The following PXK variants were observed in gnomAD, a reference collection of about 807,000 sequenced individuals.
The protein encoded by PXK is PX domain-containing protein kinase-like protein.
Under a neutral mutation model 84.7 loss-of-function variants are expected in PXK, and 35 were observed. That is an observed-to-expected ratio of 0.41 (90% CI 0.32 to 0.55). The LOEUF (loss-of-function observed/expected upper bound fraction) is 0.55, where lower values mean the gene tolerates loss of function less well. Among genes scored for constraint, PXK ranks in the 20% least tolerant of loss-of-function variants. PXK has a pLI of 0.21. For synonymous variants in PXK, 253 were observed against 260.8 expected (o/e 0.97, Z 0.29); for missense variants, 634 against 699.7 (o/e 0.91, Z 1.06).
In PXK at chr3:58,397,540, C is replaced by A; in HGVS notation, c.985-65C>A. On this transcript the variant is annotated intron_variant, in intron 10 of 17. Transcript: ENST00000356151. This position sits in a 1 kb window ranked among gnomAD's most constrained non-coding sequence, Gnocchi z 4.7. Reference sequence around the variant, plus strand: ...TTTGTTTCTCAGAGAAGCCTTGGGGCAGGAGCGCGAGGGTCCACAAAGCCA... The same window carrying A: ...TTTGTTTCTCAGAGAAGCCTTGGGGAAGGAGCGCGAGGGTCCACAAAGCCA... 1 of 1,329,492 alleles carries A rather than the reference C, an allele frequency of 7.5e-7. No homozygotes were observed. The allele number at this position is 1,329,492 out of a possible 1,614,324, so 82.4% of individuals were successfully genotyped here.
In PXK at chr3:58,383,600, G is replaced by A. The variant is rs1249369746; in HGVS notation, c.388+900G>A. On this transcript the variant is annotated intron_variant, in intron 4 of 17. Transcript: ENST00000356151. The surrounding 1 kb of genome is among the most constrained non-coding windows in gnomAD (Gnocchi z 4.0). ...TCAGGGCAGCCGCCAAGGTACTGTG[G>A]TTGAAAGGGCTTCTCTTCCAGTACC... is the stretch of plus-strand genomic sequence containing the variant. Among the ~76,000 whole-genome samples, 2 of 152,160 alleles carry A rather than the reference G, an allele frequency of 1.3e-5. No individual in the cohort carries two copies. Among genetic ancestry groups the A allele is most frequent in the Non-Finnish European group, 2.9e-5 (2 of 68,038 alleles).
At chr3:58,336,868 G>A (rs1559833647) in intron 1 of PXK, among the ~76,000 whole-genome samples, 1 of 152,102 alleles carries the variant, frequency 6.6e-6, no homozygotes, top group Admixed American at 6.6e-5. Context: ...TAGAGTGCAG[G>A]TCGCAATCTC....
chr3:58,381,945 AG>A (rs2098507331), intron 3 of PXK, among the ~76,000 whole-genome samples: 1 of 151,008 alleles, frequency 6.6e-6, no homozygotes, highest in African/African-American at 2.4e-5. Context: ...AATTTAAGAA[AG>A]TGAGTTACTC....
intron 1 of PXK, among the ~76,000 whole-genome samples, chr3:58,352,269 T>C (rs1288065263): frequency 2.6e-5 from 4 of 152,154 alleles, no homozygotes; most frequent in African/African-American, 7.2e-5. Flanking sequence ...AGAGGAGACA[T>C]GGCCCAGGAG....
chr3:58,347,120 T>A (rs1001331154), intron 1 of PXK, among the ~76,000 whole-genome samples: 4 of 152,106 alleles, frequency 2.6e-5, no homozygotes, highest in Non-Finnish European at 5.9e-5. Context: ...GGATTACAGT[T>A]GTGAGCTACC....
Position 58,336,059 on chromosome 3 carries a change from ATATATATATATAT to A in PXK, c.102+2971_102+2983del, listed in dbSNP as rs1440488887. On this transcript the variant is annotated intron_variant, in intron 1 of 17. Coordinates refer to ENST00000356151, the MANE Select transcript of PXK (RefSeq NM_017771.5). ...GAAACATATATATATATATATATAT[ATATATATATATAT>A]TTTTTTTTTTTTTTTTTAATACCAA... is the stretch of plus-strand genomic sequence containing the variant. Among the ~76,000 whole-genome samples, 334 of 58,354 alleles carry A rather than the reference ATATATATATATAT, an allele frequency of 5.7e-3. 1 individual carries two copies. The highest frequency in any genetic ancestry group is 0.029 in the African/African-American group (321 of 10,978). 38.3% of individuals were successfully genotyped at this position (58,354 alleles called of 152,430 possible).
Position 58,401,826 on chromosome 3 carries a change from C to T in PXK, c.1182-2036C>T, listed in dbSNP as rs1203487157. ...TCTGTAGTCCCAGCTACCCAGGAGG[C>T]GGAGTTTGCACTGGAGCGCGCCACT... On this transcript the variant is annotated intron_variant, in intron 12 of 17. Coordinates refer to ENST00000356151, the MANE Select transcript of PXK (RefSeq NM_017771.5). This position sits in a 1 kb window ranked among gnomAD's most constrained non-coding sequence, Gnocchi z 4.4. Among the ~76,000 whole-genome samples the T allele has an allele frequency of 6.6e-6, 1 of 151,420 alleles. No homozygotes were observed. The highest frequency in any genetic ancestry group is 1.5e-5 in the Non-Finnish European group (1 of 67,882).
chr3:58,346,247 T>A (rs7623674), intron 1 of PXK, among the ~76,000 whole-genome samples: 78 of 152,212 alleles, frequency 5.1e-4, no homozygotes, highest in African/African-American at 1.9e-3. Flanking sequence ...GGTGGAGGTG[T>A]GGCTCATAAA....
chr3:58,336,877 T>G (rs2097627762), intron 1 of PXK, among the ~76,000 whole-genome samples: 1 of 152,150 alleles, frequency 6.6e-6, no homozygotes, highest in Admixed American at 6.5e-5. Flanking sequence ...GGTCGCAATC[T>G]CAGCTCACTG....
At chr3:58,422,051 G>T in intron 17 of PXK, 2 of 985,366 alleles carry the variant, frequency 2.0e-6, no homozygotes, top group South Asian at 9.4e-5. Flanking sequence ...AGGCCAAATG[G>T]TAACTTTCAT....
At chr3:58,340,855 T>C (rs1397580740) in intron 1 of PXK, among the ~76,000 whole-genome samples, 1 of 152,048 alleles carries the variant, frequency 6.6e-6, no homozygotes, top group East Asian at 1.9e-4. Context: ...TCATAGGAAA[T>C]GAATCTCCTT....
intron 17 of PXK, chr3:58,423,188 C>A (rs1003987752): frequency 1.0e-5 from 10 of 984,562 alleles, no homozygotes; most frequent in Non-Finnish European, 1.2e-5. Context: ...ATGCTCATCA[C>A]ACATGCTTAT....
At chr3:58,388,375 TC>T (rs2098585259) in intron 4 of PXK, among the ~76,000 whole-genome samples, 2 of 152,232 alleles carry the variant, frequency 1.3e-5, no homozygotes, top group Admixed American at 1.3e-4. Context: ...CGTGTCACTG[TC>T]GGTCTTTTAG....
intron 1 of PXK, among the ~76,000 whole-genome samples, chr3:58,339,975 T>C (rs1269506266): frequency 6.7e-6 from 1 of 149,078 alleles, no homozygotes; most frequent in African/African-American, 2.5e-5. Context: ...CCACCATGCC[T>C]GGCTAATTTT....
In PXK at chr3:58,397,605, A is replaced by G. The variant is rs754635327; in HGVS notation, c.985A>G (p.Thr329Ala). The G allele has an allele frequency of 1.4e-5, 22 of 1,610,450 alleles. 2 individuals carry two copies. In the South Asian group the frequency reaches 2.4e-4, roughly 18 times the overall value. ...SYFSQFRKIN[T>A]LESVDVHCFG... ...CACGCTGCTACTCTTTCTTCCACAG[A>G]CATTGGAAAGTGTGGATGTCCACTG... The change falls in exon 11 of 18, where the codon ACA (threonine) becomes GCA (alanine). Residue 329 changes from threonine to alanine, a missense_variant and splice_region_variant. By Grantham distance (58) the Thr-to-Ala change is moderately conservative (BLOSUM62 0). Coordinates refer to ENST00000356151, the MANE Select transcript of PXK (RefSeq NM_017771.5). This position sits in a 1 kb window ranked among gnomAD's most constrained non-coding sequence, Gnocchi z 4.7.
chr3:58,340,107 T>C (rs543013861), intron 1 of PXK, among the ~76,000 whole-genome samples: 1 of 146,324 alleles, frequency 6.8e-6, no homozygotes, highest in South Asian at 2.2e-4. Flanking sequence ...CCCCAGCCAC[T>C]GCGCCTGGCC....
intron 1 of PXK, among the ~76,000 whole-genome samples, chr3:58,337,851 G>A (rs116677090): frequency 0.017 from 2,607 of 152,156 alleles, 75 homozygotes; most frequent in African/African-American, 0.059. Context: ...TCAGTGACCC[G>A]ACCCTTTTTA....
chr3:58,362,863 A>G (rs2098211796), intron 1 of PXK, among the ~76,000 whole-genome samples: 1 of 152,012 alleles, frequency 6.6e-6, no homozygotes, highest in Non-Finnish European at 1.5e-5. Flanking sequence ...ACAAGTGCGT[A>G]CCACCATGCC....
At chr3:58,366,894 C>A (rs2098280300) in intron 2 of PXK, among the ~76,000 whole-genome samples, 1 of 152,216 alleles carries the variant, frequency 6.6e-6, no homozygotes, top group Non-Finnish European at 1.5e-5. Flanking sequence ...TTTGCTCATT[C>A]TCTGTGGTTA....
Sources: allele counts gnomAD v4.1 joint callset (sites outside exome capture counted in the v4.1 genomes callset), GRCh38; gene constraint gnomAD v4.1.1; non-coding constraint Gnocchi (gnomAD v3.1); transcripts MANE v1.5; gene names NCBI Gene and HGNC (gene_info 2026-07-23, HGNC 2026-07-21).